RFX7: variants seen among roughly 807,000 people sequenced by gnomAD.
RFX7 encodes the protein DNA-binding protein RFX7.
RFX7 carries 26 observed loss-of-function variants against 111.8 expected under a neutral mutation model. That is an observed-to-expected ratio of 0.23 (90% CI 0.17 to 0.32). The LOEUF is 0.32. RFX7 is among the 10% of genes least tolerant of loss of function. RFX7 has a pLI of 1.00. For synonymous variants in RFX7, 624 were observed against 624.4 expected (o/e 1.00, Z 0.01); for missense variants, 1,573 against 1,772.9 (o/e 0.89, Z 2.02).
chr15:56,149,801 C>G lies in RFX7; in HGVS notation c.196-5318G>C, dbSNP rs1323865067. On this transcript the variant is annotated intron_variant, in intron 3 of 9. Coordinates refer to ENST00000559447, the MANE Select transcript of RFX7 (RefSeq NM_022841.7). ...GCAGACACCGAACTAGATGCAGGAG[C>G]TTTTTTTTTTTTCTTCTTTGCCATA... Among the ~76,000 whole-genome samples, 198 of 146,336 alleles carry G rather than the reference C, an allele frequency of 1.4e-3. 1 individual carries two copies. Among genetic ancestry groups the G allele is most frequent in the African/African-American group, 4.8e-3 (191 of 40,074 alleles).
intron 3 of RFX7, among the ~76,000 whole-genome samples, chr15:56,170,740 G>A (rs1243820096): frequency 6.6e-6 from 1 of 152,112 alleles, no homozygotes. Flanking sequence ...AGCCACACAT[G>A]GCTACTGATT....
chr15:56,126,331 A>G lies in RFX7; in HGVS notation c.401+16447T>C, dbSNP rs541123088. ...TTAACTTGCCCTAGTCTGATCTCTCATTCCCCATTAGGAGCCTTGAAAACT... is the reference window on the plus strand; with the variant it reads ...TTAACTTGCCCTAGTCTGATCTCTCGTTCCCCATTAGGAGCCTTGAAAACT... On this transcript the variant is annotated intron_variant, in intron 5 of 9. Transcript: ENST00000559447. 1.8e-4 allele frequency among the ~76,000 whole-genome samples: 27 copies of G among 152,314 alleles called. No homozygotes were observed. The South Asian group carries it at 5.2e-3, about 29-fold the overall frequency.
intron 5 of RFX7, among the ~76,000 whole-genome samples, chr15:56,113,029 T>C (rs563845012): frequency 1.3e-4 from 20 of 152,210 alleles, no homozygotes; most frequent in African/African-American, 3.9e-4. Context: ...TGTGGAGAAA[T>C]AGGAACACTT....
In RFX7 at chr15:56,243,573, G is replaced by T; in HGVS notation, c.-131C>A. The T allele has an allele frequency of 1.1e-6, 1 of 896,620 alleles. No homozygotes were observed. The highest frequency in any genetic ancestry group is 1.3e-6 in the Non-Finnish European group (1 of 750,600). The allele number at this position is 896,620 out of a possible 1,614,324, so 55.5% of individuals were successfully genotyped here. On this transcript the variant is annotated 5_prime_UTR_variant, in exon 1 of 10. Transcript: ENST00000559447. Reference sequence around the variant, plus strand: ...CGGCGCCCCTCAGCCCCCCGCTGGCGCCGCCGCCTCCTCCCGTCAGCGGCC... The same window carrying T: ...CGGCGCCCCTCAGCCCCCCGCTGGCTCCGCCGCCTCCTCCCGTCAGCGGCC...
rs560342163 is a variant in RFX7 at position 56,087,837 on chromosome 15, TA to T, written c.*5507del. 1.2e-3 allele frequency: 346 copies of T among 287,114 alleles called. No individual in the cohort carries two copies. Among genetic ancestry groups the T allele is most frequent in the South Asian group, 1.9e-3 (57 of 30,780 alleles). 17.8% of individuals were successfully genotyped at this position (287,114 alleles called of 1,614,324 possible). ...ATATTTTAGGCACTTTATCATCTGT[TA>T]AAAAAAAAGTCCCATTTTTATTTTG... On this transcript the variant is annotated 3_prime_UTR_variant, in exon 10 of 10. Coordinates refer to ENST00000559447, the MANE Select transcript of RFX7 (RefSeq NM_022841.7).
intron 5 of RFX7, among the ~76,000 whole-genome samples, chr15:56,134,062 G>A (rs1362601250): frequency 6.6e-6 from 1 of 152,070 alleles, no homozygotes; most frequent in Non-Finnish European, 1.5e-5. Context: ...CTAACTACTT[G>A]TCCAATGTTT....
intron 2 of RFX7, among the ~76,000 whole-genome samples, chr15:56,241,673 T>C (rs78035093): frequency 0.027 from 4,069 of 152,126 alleles, 175 homozygotes; most frequent in African/African-American, 0.092. Context: ...ATTATAGCTT[T>C]AAAAAGGGGG....
intron 2 of RFX7, 27 bp downstream of exon 2, chr15:56,243,098 C>G (rs763619121): frequency 7.6e-6 from 10 of 1,319,172 alleles, no homozygotes; most frequent in Non-Finnish European, 9.1e-6. Flanking sequence ...TGGGCTTTTT[C>G]ACGCGAGCGA....
rs1411336203 is a variant in RFX7, at chr15:56,087,539, G to A, written c.*5806C>T. ...AAAGAAGTAGCACCCAAACCTTTTGGTTACATCTCTTTGAGTACTTGGTAA... is the reference window on the plus strand; with the variant it reads ...AAAGAAGTAGCACCCAAACCTTTTGATTACATCTCTTTGAGTACTTGGTAA... On this transcript the variant is annotated 3_prime_UTR_variant, in exon 10 of 10. Transcript: ENST00000559447. The A allele has an allele frequency of 4.4e-6, 2 of 456,338 alleles. No individual in the cohort carries two copies. The highest frequency in any genetic ancestry group is 4.0e-5 in the African/African-American group (2 of 49,880). 28.3% of individuals were successfully genotyped at this position (456,338 alleles called of 1,614,324 possible). A position where few individuals can be genotyped will look rare whatever the true frequency, so the allele number is the denominator to read the frequency against.
chr15:56,165,500 G>A (rs1185825852), intron 3 of RFX7, among the ~76,000 whole-genome samples: 1 of 152,050 alleles, frequency 6.6e-6, no homozygotes, highest in Non-Finnish European at 1.5e-5. Context: ...CTCTCCTAAT[G>A]ACAGTCCTAG....
intron 5 of RFX7, among the ~76,000 whole-genome samples, chr15:56,133,547 T>A (rs181741925): frequency 2.5e-4 from 38 of 152,262 alleles, no homozygotes; most frequent in African/African-American, 8.9e-4. Flanking sequence ...ACTGATCCTG[T>A]TAAGTTTTTG....
At chr15:56,121,479 T>C (rs555944187) in intron 5 of RFX7, among the ~76,000 whole-genome samples, 1 of 152,336 alleles carries the variant, frequency 6.6e-6, no homozygotes, top group East Asian at 1.9e-4. Flanking sequence ...AGATAGGAAT[T>C]TGATTATAAA....
intron 9 of RFX7, 120 bp downstream of exon 9, chr15:56,097,959 CTG>C: frequency 1.3e-6 from 1 of 759,582 alleles, no homozygotes; most frequent in Admixed American, 2.8e-5. Context: ...ATGAATCTTC[CTG>C]TGGTCACAAA....
At chr15:56,207,499 C>T (rs2043266168) in intron 2 of RFX7, among the ~76,000 whole-genome samples, 1 of 152,050 alleles carries the variant, frequency 6.6e-6, no homozygotes, top group African/African-American at 2.4e-5. Flanking sequence ...AAGCCTCATA[C>T]CTTACAGAAA....
intron 3 of RFX7, among the ~76,000 whole-genome samples, chr15:56,174,401 T>A (rs2042878748): frequency 6.6e-6 from 1 of 152,136 alleles, no homozygotes; most frequent in Non-Finnish European, 1.5e-5. Context: ...AGAAAAGTGA[T>A]AATAGAGAAA....
In RFX7 at chr15:56,095,844, A is replaced by G; in HGVS notation, c.1884T>C (p.Ser628=). The G allele has an allele frequency of 6.2e-7, 1 of 1,608,252 alleles. No homozygotes were observed. Among genetic ancestry groups the G allele is most frequent in the Non-Finnish European group, 8.5e-7 (1 of 1,179,840 alleles). ...TGCTGCTGGTGAAAGTTAAGTTCTG[A>G]GAAGCAACTGATAGAGTGATAGTGC... ...NQSTITLSVA[S]QNLTFTSSSS... is the part of the protein sequence containing the mutation. Residue 628 remains serine (S), a synonymous_variant, in exon 10 of 10, where the codon TCT becomes TCC. Coordinates refer to ENST00000559447, the MANE Select transcript of RFX7 (RefSeq NM_022841.7).
intron 3 of RFX7, among the ~76,000 whole-genome samples, chr15:56,146,878 TG>T (rs1373961960): frequency 6.6e-6 from 1 of 152,058 alleles, no homozygotes; most frequent in African/African-American, 2.4e-5. Flanking sequence ...ATGACTCAAG[TG>T]TATAGTGATG....
intron 5 of RFX7, among the ~76,000 whole-genome samples, chr15:56,117,723 A>G (rs1162190149): frequency 6.6e-6 from 1 of 152,168 alleles, no homozygotes; most frequent in East Asian, 1.9e-4. Flanking sequence ...GAGAGCATGC[A>G]GCATTTAACT....
rs147896364 is a variant in RFX7, at chr15:56,186,941, G to A, written c.162-7638C>T. Among the ~76,000 whole-genome samples the A allele has an allele frequency of 3.3e-3, 497 of 152,150 alleles. 7 individuals are homozygous for A. Among genetic ancestry groups the A allele is most frequent in the African/African-American group, 0.012 (478 of 41,522 alleles). ...TACTAAGAGTCTTCAAATTTTTAAT[G>A]TAATGTATTTTTTGTAATATTCCAT... On this transcript the variant is annotated intron_variant, in intron 2 of 9. Coordinates refer to ENST00000559447, the MANE Select transcript of RFX7 (RefSeq NM_022841.7).
Sources: allele counts gnomAD v4.1 joint callset (sites outside exome capture counted in the v4.1 genomes callset), GRCh38; gene constraint gnomAD v4.1.1; transcripts MANE v1.5; gene names NCBI Gene and HGNC (gene_info 2026-07-23, HGNC 2026-07-21).